PLCB2: variants seen among roughly 807,000 people sequenced by gnomAD.
The protein encoded by PLCB2 is phospholipase C beta 2.
A neutral mutation model predicts 141.7 loss-of-function variants in PLCB2; 115 were observed. The observed-to-expected ratio is 0.81, with a 90% CI of 0.70 to 0.95. PLCB2 has a LOEUF of 0.95. Among genes scored for constraint, PLCB2 ranks in the 40% least tolerant of loss-of-function variants. The pLI, the probability that PLCB2 is intolerant of heterozygous loss-of-function variation, is 0.00. For synonymous variants in PLCB2, 603 were observed against 595.6 expected, an observed-to-expected ratio of 1.01 and a Z score of -0.18; for missense variants, 1,403 against 1,541.1, an observed-to-expected ratio of 0.91 and a Z score of 1.50.
rs968735032 is a variant in PLCB2, at chr15:40,297,222, C to G, written c.1323+299G>C. Among the ~76,000 whole-genome samples, 1 of 152,098 alleles carries G rather than the reference C, an allele frequency of 6.6e-6. No individual in the cohort carries two copies. Among genetic ancestry groups the G allele is most frequent in the Non-Finnish European group, 1.5e-5 (1 of 68,012 alleles). ...AGGAAGCCTTCCCTGATCCCCAAGA[C>G]CAGATCAGAACTCCCCAGGTGCTCC... On this transcript the variant is annotated intron_variant, in intron 13 of 31. Transcript: ENST00000260402. This position sits in a 1 kb window ranked among gnomAD's most constrained non-coding sequence, Gnocchi z 4.2.
Position 40,297,686 on chromosome 15 carries a change from C to A in PLCB2, c.1239-81G>T. On this transcript the variant is annotated intron_variant, in intron 12 of 31. Coordinates refer to ENST00000260402, the MANE Select transcript of PLCB2 (RefSeq NM_004573.3). The surrounding 1 kb of genome is among the most constrained non-coding windows in gnomAD (Gnocchi z 4.2). ...GCATCCTTTTGTGCCCTTGATGACC[C>A]AGATCAGGGGCCAGGAGGTCAGGGA... 1 of 1,231,412 alleles carries A rather than the reference C, an allele frequency of 8.1e-7. No homozygotes were observed. Among genetic ancestry groups the A allele is most frequent in the Non-Finnish European group, 1.2e-6 (1 of 846,078 alleles). The allele number at this position is 1,231,412 out of a possible 1,614,324, so 76.3% of individuals were successfully genotyped here. A position where few individuals can be genotyped will look rare whatever the true frequency, so the allele number is the denominator to read the frequency against.
chr15:40,287,619 T>C (rs2039635230), downstream of PLCB2, among the ~76,000 whole-genome samples: 1 of 152,170 alleles, frequency 6.6e-6, no homozygotes, highest in South Asian at 2.1e-4. Context: ...TGCACTCAGC[T>C]CTTCTGCTCC....
Position 40,291,181 on chromosome 15 carries a change from C to A in PLCB2, c.2873G>T (p.Ser958Ile), listed in dbSNP as rs763085859. ...TCCGGCGCTCTCCTCGCGGGGCAGG[C>A]TCCTGGGGAGGCCACGTGGGGACAG... is the stretch of plus-strand genomic sequence containing the variant. ...GPGKGSRKKR[S>I]LPREESAGAA... is the part of the protein sequence containing the mutation. Residue 958 changes from serine (S) to isoleucine (I), a missense_variant and splice_region_variant, in exon 27 of 32, where the codon AGC becomes ATC. Transcript: ENST00000260402. 1.1e-4 allele frequency: 168 copies of A among 1,571,580 alleles called. 1 individual carries two copies. The East Asian group carries it at 3.7e-3, about 35-fold the overall frequency.
At position 40,296,611 on chromosome 15, in the gene PLCB2, C is replaced by G; in HGVS notation, c.1510G>C (p.Glu504Gln). The G allele has an allele frequency of 6.2e-7, 1 of 1,613,482 alleles. No individual in the cohort carries two copies. The highest frequency in any genetic ancestry group is 8.5e-7 in the Non-Finnish European group (1 of 1,179,704). ...GTVWAGEEGT[E>Q]LEEEEVEEEE... The stretch of plus-strand genomic sequence containing the variant: ...TCTTCCACCTCCTCCTCCTCCAGCT[C>G]AGTCCCTTCCTCGCCAGCCCACACT... The change falls in exon 15 of 32, where the codon GAG becomes CAG. Residue 504 changes from glutamate (E) to glutamine (Q), a missense_variant. Glu to Gln is a conservative substitution (Grantham distance 29). Around this residue, in one of 4 missense-constraint regions of PLCB2, gnomAD observed 975 missense variants for 1,141.1 expected, o/e 0.85. Transcript: ENST00000260402.
chr15:40,293,104 C>T lies in PLCB2; in HGVS notation c.2227-79G>A, dbSNP rs569155275. 46 of 857,010 alleles carry T rather than the reference C, an allele frequency of 5.4e-5. No homozygotes were observed. The African/African-American group carries it at 7.1e-4, about 13-fold the overall frequency. 53.1% of individuals were successfully genotyped at this position (857,010 alleles called of 1,614,324 possible). A position where few individuals can be genotyped will look rare whatever the true frequency, so the allele number is the denominator to read the frequency against. On this transcript the variant is annotated intron_variant, in intron 20 of 31. Coordinates refer to ENST00000260402, the MANE Select transcript of PLCB2 (RefSeq NM_004573.3). ...ACCCCCTCCCTGGCTCCAGAAGTCTCAGCATCAGTGTGAGAACATGGTGAG... is the reference window on the plus strand; with the variant it reads ...ACCCCCTCCCTGGCTCCAGAAGTCTTAGCATCAGTGTGAGAACATGGTGAG...
Position 40,288,179 on chromosome 15 carries a change from G to C in PLCB2, c.*536C>G. The C allele has an allele frequency of 1.0e-6, 1 of 985,682 alleles. No individual in the cohort carries two copies. Among genetic ancestry groups the C allele is most frequent in the Non-Finnish European group, 1.2e-6 (1 of 830,114 alleles). The allele number at this position is 985,682 out of a possible 1,614,324, so 61.1% of individuals were successfully genotyped here. A position where few individuals can be genotyped will look rare whatever the true frequency, so the allele number is the denominator to read the frequency against. On this transcript the variant is annotated 3_prime_UTR_variant, in exon 32 of 32. Coordinates refer to ENST00000260402, the MANE Select transcript of PLCB2 (RefSeq NM_004573.3). ...CCGTTCCGGACAGGCAGAGGGGAGG[G>C]GAGGGCCCTCAGCCAGGGAGTGGCC...
Position 40,288,646 on chromosome 15 carries a change from G to A in PLCB2, c.*69C>T, listed in dbSNP as rs979874209. The A allele has an allele frequency of 1.4e-6, 2 of 1,452,830 alleles. No homozygotes were observed. Among genetic ancestry groups the A allele is most frequent in the Non-Finnish European group, 9.1e-7 (1 of 1,100,642 alleles). 90.0% of individuals were successfully genotyped at this position (1,452,830 alleles called of 1,614,324 possible). A position where few individuals can be genotyped will look rare whatever the true frequency, so the allele number is the denominator to read the frequency against. On this transcript the variant is annotated 3_prime_UTR_variant, in exon 32 of 32. Transcript: ENST00000260402. ...AGAAGGCTGGGGCTCCTTTTTCCTGGGGGAATAGAACCACATCCCAGAGAA... is the reference window on the plus strand; with the variant it reads ...AGAAGGCTGGGGCTCCTTTTTCCTGAGGGAATAGAACCACATCCCAGAGAA...
intron 31 of PLCB2, 71 bp from the exon 32 acceptor site, chr15:40,288,989 G>A (rs2039700406): frequency 6.4e-6 from 10 of 1,562,812 alleles, no homozygotes; most frequent in Non-Finnish European, 8.6e-6. Flanking sequence ...CCTGGACAGT[G>A]GGAACAGGAG....
intron 21 of PLCB2, 72 bp from the exon 22 acceptor site, chr15:40,292,515 AC>A: frequency 9.4e-7 from 1 of 1,066,628 alleles, no homozygotes; most frequent in Non-Finnish European, 1.4e-6. Flanking sequence ...ACAGCCTAGG[AC>A]CCAAGGGTCT....
intron 18 of PLCB2, among the ~76,000 whole-genome samples, chr15:40,294,721 G>A (rs1298757292): frequency 1.3e-5 from 2 of 152,162 alleles, no homozygotes; most frequent in Admixed American, 6.5e-5. Flanking sequence ...AACCCACGCC[G>A]GCAGCCTGGC....
intron 21 of PLCB2, 49 bp downstream of exon 21, chr15:40,292,877 A>C (rs1321404542): frequency 7.9e-7 from 1 of 1,270,828 alleles, no homozygotes; most frequent in South Asian, 1.4e-5. Context: ...CACCCTGTGC[A>C]CAGGCTCCTG....
At position 40,301,041 on chromosome 15, in the gene PLCB2, G is replaced by C. The variant is rs146879803; in HGVS notation, c.582+916C>G. 1,001 of 156,482 alleles carry C rather than the reference G, an allele frequency of 6.4e-3. 16 individuals carry two copies. The highest frequency in any genetic ancestry group is 0.023 in the African/African-American group (962 of 41,560). 9.7% of individuals were successfully genotyped at this position (156,482 alleles called of 1,614,324 possible). ...GTGGATGTGTGCTGACCACAGGTAAGTGTTGCTGGCTGTAGGGGAGCCGCA... is the reference window on the plus strand; with the variant it reads ...GTGGATGTGTGCTGACCACAGGTAACTGTTGCTGGCTGTAGGGGAGCCGCA... On this transcript the variant is annotated intron_variant, in intron 7 of 31. Coordinates refer to ENST00000260402, the MANE Select transcript of PLCB2 (RefSeq NM_004573.3).
chr15:40,306,487 G>A (rs1385466107), intron 1 of PLCB2, among the ~76,000 whole-genome samples: 2 of 152,128 alleles, frequency 1.3e-5, no homozygotes, highest in East Asian at 1.9e-4. Flanking sequence ...AGGCCACTTC[G>A]CTTTTCATTC....
In PLCB2 at chr15:40,288,655, A is replaced by T; in HGVS notation, c.*60T>A. On this transcript the variant is annotated 3_prime_UTR_variant, in exon 32 of 32. Transcript: ENST00000260402. Reference sequence around the variant, plus strand: ...GGGCTCCTTTTTCCTGGGGGAATAGAACCACATCCCAGAGAAGGGGCTGAA... The same window carrying T: ...GGGCTCCTTTTTCCTGGGGGAATAGTACCACATCCCAGAGAAGGGGCTGAA... 1 of 1,475,346 alleles carries T rather than the reference A, an allele frequency of 6.8e-7. No homozygotes were observed. The allele number at this position is 1,475,346 out of a possible 1,614,324, so 91.4% of individuals were successfully genotyped here. A position where few individuals can be genotyped will look rare whatever the true frequency, so the allele number is the denominator to read the frequency against.
At chr15:40,291,967 C>T in intron 23 of PLCB2, 43 bp from the exon 24 acceptor site, 2 of 1,609,454 alleles carry the variant, frequency 1.2e-6, no homozygotes, top group African/African-American at 1.3e-5. Flanking sequence ...TGACAGCCCT[C>T]TCTCCCCGAG....
At chr15:40,289,039 G>A (rs1365881965) in intron 31 of PLCB2, 121 bp from the exon 32 acceptor site, 5 of 1,414,078 alleles carry the variant, frequency 3.5e-6, no homozygotes, top group Non-Finnish European at 4.7e-6. Flanking sequence ...GGAGACTGGG[G>A]TGAGAGGCAG....
chr15:40,300,051 C>T (rs753159449), intron 7 of PLCB2, among the ~76,000 whole-genome samples: 3 of 152,152 alleles, frequency 2.0e-5, no homozygotes, highest in Non-Finnish European at 4.4e-5. Flanking sequence ...TGTGACTAAC[C>T]TAAAACCCCA....
intron 7 of PLCB2, 21 bp downstream of exon 7, chr15:40,301,936 C>A (rs1468314876): frequency 1.9e-6 from 3 of 1,608,924 alleles, no homozygotes; most frequent in Non-Finnish European, 2.6e-6. Context: ...GGGGGATGGG[C>A]AGGGGTGCAG....
Position 40,297,642 on chromosome 15 carries a change from T to A in PLCB2, c.1239-37A>T, listed in dbSNP as rs1235034919. On this transcript the variant is annotated intron_variant, in intron 12 of 31. Transcript: ENST00000260402. This position sits in a 1 kb window ranked among gnomAD's most constrained non-coding sequence, Gnocchi z 4.2. ...AAAAGCGGGGATGGGGTTCAGCCGC[T>A]CAGCACCAACCCTATTATGCATCCT... is the stretch of plus-strand genomic sequence containing the variant. 2 of 1,539,970 alleles carry A rather than the reference T, an allele frequency of 1.3e-6. No homozygotes were observed. The highest frequency in any genetic ancestry group is 1.4e-5 in the African/African-American group (1 of 73,728).
Sources: allele counts gnomAD v4.1 joint callset (sites outside exome capture counted in the v4.1 genomes callset), GRCh38; gene constraint gnomAD v4.1.1; regional missense constraint gnomAD v4.1.1; non-coding constraint Gnocchi (gnomAD v3.1); transcripts MANE v1.5; gene names NCBI Gene and HGNC (gene_info 2026-07-23, HGNC 2026-07-21).